Variants in CGGBP1 observed in about 807,000 individuals in gnomAD.
CGGBP1 encodes CGG triplet repeat-binding protein 1.
In CGGBP1, 4 loss-of-function variants were observed where a neutral mutation model predicts 11.4. The ratio of observed to expected loss-of-function variants is 0.35; its 90% CI spans 0.17 to 0.80. The LOEUF (loss-of-function observed/expected upper bound fraction) is 0.80. CGGBP1 is among the 30% of genes least tolerant of loss of function. The pLI, the probability that CGGBP1 is intolerant of heterozygous loss-of-function variation, is 0.52. For synonymous variants in CGGBP1, 76 were observed against 74.1 expected (o/e 1.03, Z -0.13); for missense variants, 135 against 202.1 (o/e 0.67, Z 2.01).
At chr3:88,132,256 T>G (rs1276462332) in intron 2 of CGGBP1, among the ~76,000 whole-genome samples, 1 of 152,078 alleles carries the variant, frequency 6.6e-6, no homozygotes, top group East Asian at 1.9e-4. Context: ...AATTCTGTAT[T>G]GTAAGGGTGA....
At chr3:88,097,460 C>A (rs1174565114) in intron 2 of CGGBP1, among the ~76,000 whole-genome samples, 1 of 151,958 alleles carries the variant, frequency 6.6e-6, no homozygotes, top group Non-Finnish European at 1.5e-5. Context: ...GGGACTTGAA[C>A]TCAGCTCTGC....
rs1706511706 is a variant in CGGBP1 at position 88,055,064 on chromosome 3, T to C, written c.*409A>G. The C allele has an allele frequency of 6.4e-6, 1 of 156,274 alleles. No homozygotes were observed. The highest frequency in any genetic ancestry group is 1.4e-5 in the Non-Finnish European group (1 of 70,970). The allele number at this position is 156,274 out of a possible 1,614,324, so 9.7% of individuals were successfully genotyped here. A position where few individuals can be genotyped will look rare whatever the true frequency, so the allele number is the denominator to read the frequency against. Reference sequence around the variant, plus strand: ...AAAGAAAATAATTCCTTTAAGTTACTGTTAAGTGGTGTTGCCTGGCAGCAG... The same window carrying C: ...AAAGAAAATAATTCCTTTAAGTTACCGTTAAGTGGTGTTGCCTGGCAGCAG... On this transcript the variant is annotated 3_prime_UTR_variant, in exon 4 of 4. Coordinates refer to ENST00000482016, the MANE Select transcript of CGGBP1 (RefSeq NM_001008390.2). This position sits in a 1 kb window ranked among gnomAD's most constrained non-coding sequence, Gnocchi z 4.2.
chr3:88,119,041 A>AAT (rs1705591330), intron 2 of CGGBP1, among the ~76,000 whole-genome samples: 1 of 149,424 alleles, frequency 6.7e-6, no homozygotes, highest in Non-Finnish European at 1.5e-5. Context: ...CTGGGTATAT[A>AAT]CCCAAAGGAC....
intron 2 of CGGBP1, among the ~76,000 whole-genome samples, chr3:88,098,444 C>T (rs1409349533): frequency 6.6e-6 from 1 of 152,126 alleles, no homozygotes; most frequent in African/African-American, 2.4e-5. Flanking sequence ...CTATTCCAAT[C>T]AATAGAAAAA....
chr3:88,139,558 A>G (rs2107890331), intron 2 of CGGBP1: 1 of 1,613,580 alleles, frequency 6.2e-7, no homozygotes, highest in Non-Finnish European at 8.5e-7. Context: ...TCATTTGAAA[A>G]TGGGAATTCT....
chr3:88,141,927 G>C (rs1266061941), intron 1 of CGGBP1: 1 of 295,656 alleles, frequency 3.4e-6, no homozygotes, highest in African/African-American at 2.2e-5. Context: ...GTTCAGTTTC[G>C]CTTATATGAG....
At chr3:88,119,000 G>A (rs1413126724) in intron 2 of CGGBP1, among the ~76,000 whole-genome samples, 4 of 148,552 alleles carry the variant, frequency 2.7e-5, no homozygotes, top group South Asian at 2.2e-4. Context: ...ATCTAGAACT[G>A]GAAATACCAT....
intron 3 of CGGBP1, 145 bp from the exon 4 acceptor site, chr3:88,056,144 C>CT (rs1401803128): frequency 1.7e-6 from 1 of 603,942 alleles, no homozygotes; most frequent in African/African-American, 1.9e-5. Flanking sequence ...TTAATCTTAA[C>CT]TTACCTGAAA....
intron 2 of CGGBP1, among the ~76,000 whole-genome samples, chr3:88,070,429 C>CT (rs928226050): frequency 2.3e-4 from 34 of 145,434 alleles, no homozygotes; most frequent in East Asian, 1.6e-3. Flanking sequence ...ATCCAAATTT[C>CT]TTTTTTTTTT....
At chr3:88,135,319 GC>G (rs1706709469) in intron 2 of CGGBP1, 12 of 817,572 alleles carry the variant, frequency 1.5e-5, no homozygotes, top group Non-Finnish European at 1.9e-5. Context: ...GGATTTTAAG[GC>G]CACATTCTCC....
intron 2 of CGGBP1, among the ~76,000 whole-genome samples, chr3:88,111,758 A>C (rs1355147018): frequency 6.6e-6 from 1 of 152,004 alleles, no homozygotes; most frequent in Non-Finnish European, 1.5e-5. Context: ...AATTGTGATG[A>C]GTATAGGAAC....
intron 2 of CGGBP1, among the ~76,000 whole-genome samples, chr3:88,093,602 GTC>G (rs1193956389): frequency 6.6e-6 from 1 of 152,192 alleles, no homozygotes; most frequent in Non-Finnish European, 1.5e-5. Flanking sequence ...GGTATAATCA[GTC>G]TCTTATTTTG....
At chr3:88,141,665 A>T (rs1384017721) in intron 1 of CGGBP1, 4 of 1,505,174 alleles carry the variant, frequency 2.7e-6, no homozygotes, top group Non-Finnish European at 2.7e-6. Context: ...AAAACGGTTC[A>T]GAAAGATCTG....
chr3:88,079,778 A>G (rs1707989390), intron 2 of CGGBP1, among the ~76,000 whole-genome samples: 1 of 152,074 alleles, frequency 6.6e-6, no homozygotes, highest in African/African-American at 2.4e-5. Context: ...TACAGAACCT[A>G]TCAAATACAT....
chr3:88,119,680 A>G (rs1208502177), intron 2 of CGGBP1, among the ~76,000 whole-genome samples: 1 of 152,110 alleles, frequency 6.6e-6, no homozygotes, highest in East Asian at 1.9e-4. Context: ...ATTTCTTTGT[A>G]TGCAAACCTG....
intron 2 of CGGBP1, among the ~76,000 whole-genome samples, chr3:88,075,566 C>A (rs1277593300): frequency 9.9e-5 from 15 of 152,170 alleles, no homozygotes; most frequent in African/African-American, 3.4e-4. Context: ...CTCTTTTAGA[C>A]CTTTTCTTTG....
At chr3:88,137,156 T>A (rs1171200913) in intron 2 of CGGBP1, among the ~76,000 whole-genome samples, 4 of 140,692 alleles carry the variant, frequency 2.8e-5, no homozygotes, top group Non-Finnish European at 4.5e-5. Context: ...GATCATGCCA[T>A]TCTACTCCAG....
At position 88,086,381 on chromosome 3, in the gene CGGBP1, A is replaced by G. The variant is rs1708335994; in HGVS notation, c.-228-28158T>C. ...CCAGATGAATGTGAGCATGTACAAT[A>G]TGTTTTGAGTAGCCTTGCTGTGTAA... On this transcript the variant is annotated intron_variant, in intron 2 of 3. Coordinates refer to the CGGBP1 transcript ENST00000462901. The G allele has an allele frequency of 2.6e-6, 4 of 1,534,066 alleles. No homozygotes were observed. In the Middle Eastern group the frequency reaches 5.1e-4, roughly 194 times the overall value.
chr3:88,140,537 A>G (rs1446437984), intron 2 of CGGBP1: 1 of 1,613,788 alleles, frequency 6.2e-7, no homozygotes, highest in South Asian at 1.1e-5. Flanking sequence ...TAAGCTTGAT[A>G]GACCAAAAGA....
Sources: allele counts gnomAD v4.1 joint callset (sites outside exome capture counted in the v4.1 genomes callset), GRCh38; gene constraint gnomAD v4.1.1; non-coding constraint Gnocchi (gnomAD v3.1); transcripts MANE v1.5; gene names NCBI Gene and HGNC (gene_info 2026-07-23, HGNC 2026-07-21).